Variants in LRRC1 observed in about 807,000 individuals in gnomAD.
The protein encoded by LRRC1 is leucine rich repeat containing 1, also known as leucine-rich repeat-containing protein 1.
Under a neutral mutation model 69.9 loss-of-function variants are expected in LRRC1, and 28 were observed. The observed-to-expected ratio is 0.40, with a 90% CI of 0.30 to 0.55. LRRC1 has a LOEUF of 0.55. Ranked by LOEUF, LRRC1 falls within the 20% of genes least tolerant of loss-of-function variation. The pLI is 0.47. For synonymous variants in LRRC1, 236 were observed against 240.2 expected, an observed-to-expected ratio of 0.98 and a Z score of 0.16; for missense variants, 498 against 609.0, an observed-to-expected ratio of 0.82 and a Z score of 1.92.
chr6:53,814,470 C>A (rs6458959), intron 1 of LRRC1, among the ~76,000 whole-genome samples: 125,524 of 152,126 alleles, frequency 0.83, 51,986 homozygotes, highest in East Asian at 0.92. Flanking sequence ...AGGTATTTAC[C>A]TTTGATGGTT....
rs553318526 is a variant in LRRC1 at position 53,897,370 on chromosome 6, A to T, written c.642+11A>T. On this transcript the variant is annotated intron_variant, in intron 7 of 13. Coordinates refer to ENST00000370888, the MANE Select transcript of LRRC1 (RefSeq NM_018214.5). ...TCAGAATTACCTCAGGTAAGTGGTAATTTCACAGTGTCTCCCCAAAACATA... is the reference window on the plus strand; with the variant it reads ...TCAGAATTACCTCAGGTAAGTGGTATTTTCACAGTGTCTCCCCAAAACATA... 1.9e-6 allele frequency: 3 copies of T among 1,580,768 alleles called. No individual in the cohort carries two copies. Among genetic ancestry groups the T allele is most frequent in the Non-Finnish European group, 2.6e-6 (3 of 1,151,192 alleles).
chr6:53,899,880 C>T lies in LRRC1; in HGVS notation c.776C>T (p.Pro259Leu), dbSNP rs1378000942. The change falls in exon 8 of 14, where the codon CCG (proline) becomes CTG (leucine). Residue 259 changes from proline to leucine, a missense_variant. By Grantham distance (98) the Pro-to-Leu change is moderately conservative. Coordinates refer to ENST00000370888, the MANE Select transcript of LRRC1 (RefSeq NM_018214.5). ...TCCCAGAACTTATTAGAAACGATTC[C>T]GGATGGCATTGGTAAGCATTGGAAA... is the stretch of plus-strand genomic sequence containing the variant. ...VISQNLLETI[P>L]DGIGKLKKLS... The T allele has an allele frequency of 6.2e-6, 10 of 1,613,756 alleles. No homozygotes were observed. Among genetic ancestry groups the T allele is most frequent in the Non-Finnish European group, 8.5e-6 (10 of 1,179,898 alleles).
chr6:53,920,561 G>A (rs1768707494), intron 12 of LRRC1, 64 bp from the exon 13 acceptor site: 1 of 1,601,812 alleles, frequency 6.2e-7, no homozygotes, highest in African/African-American at 1.3e-5. Context: ...CAGCCGCAAA[G>A]TTCATAGCAT....
At chr6:53,825,173 A>G (rs545111263) in intron 1 of LRRC1, among the ~76,000 whole-genome samples, 205 of 152,036 alleles carry the variant, frequency 1.3e-3, no homozygotes, top group South Asian at 6.0e-3. Context: ...AGATAATGGA[A>G]TTTTTCTTTG....
chr6:53,914,034 T>G, intron 11 of LRRC1, 65 bp downstream of exon 11: 1 of 1,111,886 alleles, frequency 9.0e-7, no homozygotes, highest in Non-Finnish European at 1.3e-6. Flanking sequence ...ATCTTGGCAG[T>G]GCATCTTCAA....
chr6:53,840,453 T>A (rs932888938), intron 1 of LRRC1, among the ~76,000 whole-genome samples: 1 of 152,192 alleles, frequency 6.6e-6, no homozygotes, highest in African/African-American at 2.4e-5. Context: ...TGGTATGCCT[T>A]GGTATGTACT....
At chr6:53,821,929 TGTG>T (rs1227878140) in intron 1 of LRRC1, among the ~76,000 whole-genome samples, 4 of 151,254 alleles carry the variant, frequency 2.6e-5, no homozygotes, top group Non-Finnish European at 5.9e-5. Flanking sequence ...TTTTTTTTAG[TGTG>T]GTGAGGTTGT....
chr6:53,883,222 G>A (rs373474112), intron 4 of LRRC1, among the ~76,000 whole-genome samples: 1 of 152,180 alleles, frequency 6.6e-6, no homozygotes, highest in East Asian at 1.9e-4. Context: ...TTGTTTGGAA[G>A]TGCTCTTTAA....
At chr6:53,839,550 A>G (rs1018993694) in intron 1 of LRRC1, among the ~76,000 whole-genome samples, 1 of 152,128 alleles carries the variant, frequency 6.6e-6, no homozygotes, top group Non-Finnish European at 1.5e-5. Context: ...GCTTTTGACT[A>G]TTTCTGCGAA....
intron 2 of LRRC1, among the ~76,000 whole-genome samples, chr6:53,869,845 C>T (rs1007825249): frequency 7.9e-5 from 12 of 152,126 alleles, no homozygotes; most frequent in African/African-American, 2.9e-4. Flanking sequence ...GGAAAGTGCC[C>T]CTGAGGATTT....
chr6:53,877,304 C>T (rs1233686510), intron 2 of LRRC1, among the ~76,000 whole-genome samples: 1 of 152,162 alleles, frequency 6.6e-6, no homozygotes, highest in Non-Finnish European at 1.5e-5. Flanking sequence ...ACAATTTTCT[C>T]CTAGGCCTCT....
intron 1 of LRRC1, among the ~76,000 whole-genome samples, chr6:53,819,628 C>G (rs1206274700): frequency 6.6e-6 from 1 of 152,068 alleles, no homozygotes; most frequent in Non-Finnish European, 1.5e-5. Context: ...ATTGGAGACT[C>G]TATATGTATT....
intron 10 of LRRC1, among the ~76,000 whole-genome samples, chr6:53,906,960 A>G (rs1458962603): frequency 6.6e-6 from 1 of 152,232 alleles, no homozygotes; most frequent in Non-Finnish European, 1.5e-5. Flanking sequence ...CCCTCGGATC[A>G]CAGTTTGCTG....
chr6:53,811,679 C>CTTA (rs1311191238), intron 1 of LRRC1, among the ~76,000 whole-genome samples: 4 of 152,198 alleles, frequency 2.6e-5, no homozygotes, highest in Non-Finnish European at 5.9e-5. Context: ...TCACATCAGC[C>CTTA]TTATGTGTGA....
intron 2 of LRRC1, among the ~76,000 whole-genome samples, chr6:53,872,941 G>C (rs1265310453): frequency 6.6e-6 from 1 of 151,748 alleles, no homozygotes; most frequent in African/African-American, 2.4e-5. Context: ...ATTTTTAGTA[G>C]AGATGGAGTT....
intron 1 of LRRC1, among the ~76,000 whole-genome samples, chr6:53,807,599 G>A (rs1025778170): frequency 7.9e-5 from 12 of 152,154 alleles, no homozygotes; most frequent in African/African-American, 2.9e-4. Context: ...TACAAAATTA[G>A]CCAGGTGTGG....
chr6:53,795,198 G>T lies in LRRC1; in HGVS notation c.-59G>T. On this transcript the variant is annotated 5_prime_UTR_variant, in exon 1 of 14. Coordinates refer to ENST00000370888, the MANE Select transcript of LRRC1 (RefSeq NM_018214.5). ...ACTGAGCGGAGCCGCCGGCCAGAGC[G>T]GGCTCGGAGCCCGGGTCTCCGCCGC... 6.7e-7 allele frequency: 1 copy of T among 1,485,002 alleles called. No individual in the cohort carries two copies. The allele number at this position is 1,485,002 out of a possible 1,614,324, so 92.0% of individuals were successfully genotyped here.
At chr6:53,828,767 A>G (rs1190860868) in intron 1 of LRRC1, among the ~76,000 whole-genome samples, 1 of 152,206 alleles carries the variant, frequency 6.6e-6, no homozygotes, top group East Asian at 1.9e-4. Flanking sequence ...GATTTCTGCT[A>G]TAATATCTTT....
At chr6:53,874,195 A>G (rs946656824) in intron 2 of LRRC1, among the ~76,000 whole-genome samples, 1 of 152,310 alleles carries the variant, frequency 6.6e-6, no homozygotes, top group African/African-American at 2.4e-5. Context: ...TCTGAGCCTT[A>G]GTGTCCATTT....
Sources: allele counts gnomAD v4.1 joint callset (sites outside exome capture counted in the v4.1 genomes callset), GRCh38; gene constraint gnomAD v4.1.1; transcripts MANE v1.5; gene names NCBI Gene and HGNC (gene_info 2026-07-23, HGNC 2026-07-21).